SGCG: variants seen among roughly 807,000 people sequenced by gnomAD.
The protein encoded by SGCG is gamma-sarcoglycan.
Under a neutral mutation model 29.3 loss-of-function variants are expected in SGCG, and 26 were observed. That is an observed-to-expected ratio of 0.89 (90% confidence interval 0.65 to 1.23). The LOEUF (loss-of-function observed/expected upper bound fraction) is 1.23, where lower values mean the gene tolerates loss of function less well. Ranked by LOEUF, SGCG falls within the 50% of genes most tolerant of loss-of-function variation. SGCG has a pLI of 0.00. For synonymous variants in SGCG, 145 were observed against 129.7 expected (o/e 1.12, Z -0.80); for missense variants, 353 against 356.0 (o/e 0.99, Z 0.07).
chr13:23,320,055 A>T (rs1484723942), intron 6 of SGCG, among the ~76,000 whole-genome samples: 1 of 152,258 alleles, frequency 6.6e-6, no homozygotes, highest in Non-Finnish European at 1.5e-5. Context: ...ATAATAATAA[A>T]GAAAAGACCA....
intron 4 of SGCG, among the ~76,000 whole-genome samples, chr13:23,262,490 G>A (rs1193527855): frequency 6.6e-6 from 1 of 151,784 alleles, no homozygotes; most frequent in Non-Finnish European, 1.5e-5. Flanking sequence ...TAAGTCCAGA[G>A]CTCTTAGATA....
chr13:23,294,981 CT>C (rs1881847951), intron 5 of SGCG, among the ~76,000 whole-genome samples: 1 of 152,040 alleles, frequency 6.6e-6, no homozygotes, highest in Non-Finnish European at 1.5e-5. Flanking sequence ...ATATTTAAAG[CT>C]TTTAATTTTT....
chr13:23,324,294 T>C, intron 7 of SGCG, 74 bp from the exon 8 acceptor site: 1 of 1,406,616 alleles, frequency 7.1e-7, no homozygotes, highest in East Asian at 2.3e-5. Flanking sequence ...TTGGAAATCT[T>C]GTGAGAATGG....
chr13:23,227,207 A>G (rs1878932441), intron 2 of SGCG, among the ~76,000 whole-genome samples: 1 of 152,114 alleles, frequency 6.6e-6, no homozygotes, highest in Non-Finnish European at 1.5e-5. Context: ...TAGGTGAGCA[A>G]TCTTTTTGTG....
intron 6 of SGCG, among the ~76,000 whole-genome samples, chr13:23,307,045 C>T (rs1882386592): frequency 6.6e-6 from 1 of 152,278 alleles, no homozygotes; most frequent in Non-Finnish European, 1.5e-5. Flanking sequence ...TTTAGCTAAA[C>T]AGAACTTTTT....
intron 2 of SGCG, among the ~76,000 whole-genome samples, chr13:23,231,224 C>T (rs1386829195): frequency 1.3e-5 from 2 of 151,830 alleles, no homozygotes; most frequent in East Asian, 3.9e-4. Flanking sequence ...CTGTGTTCAT[C>T]AAGGATATAG....
At chr13:23,196,859 C>T (rs1459008978) in intron 1 of SGCG, among the ~76,000 whole-genome samples, 2 of 152,096 alleles carry the variant, frequency 1.3e-5, no homozygotes, top group South Asian at 2.1e-4. Flanking sequence ...CACTAATTAA[C>T]GTGAGATGAG....
chr13:23,219,044 T>G (rs1878549469), intron 2 of SGCG, among the ~76,000 whole-genome samples: 1 of 148,694 alleles, frequency 6.7e-6, no homozygotes, highest in Non-Finnish European at 1.5e-5. Flanking sequence ...CTATATATTT[T>G]TATGGGTTGT....
chr13:23,164,091 GTTT>G, the SGCG span, among the ~76,000 whole-genome samples: 4 of 152,222 alleles, frequency 2.6e-5, no homozygotes, highest in African/African-American at 7.2e-5. Context: ...TGGTAACCAG[GTTT>G]TTGTTTTCCT....
At chr13:23,320,550 A>G in intron 6 of SGCG, 87 bp from the exon 7 acceptor site, 1 of 1,144,248 alleles carries the variant, frequency 8.7e-7, no homozygotes, top group South Asian at 1.4e-5. Flanking sequence ...TACTAGTTAT[A>G]TTTCCCATGC....
chr13:23,196,714 A>G (rs182615602), intron 1 of SGCG, among the ~76,000 whole-genome samples: 1 of 151,882 alleles, frequency 6.6e-6, no homozygotes, highest in East Asian at 1.9e-4. Context: ...TTTATCTGCC[A>G]TGGTGTTCTT....
At chr13:23,309,008 C>T (rs1313921691) in intron 6 of SGCG, among the ~76,000 whole-genome samples, 1 of 152,042 alleles carries the variant, frequency 6.6e-6, no homozygotes, top group Non-Finnish European at 1.5e-5. Context: ...TCTATTCACA[C>T]AGCCTTTTAT....
chr13:23,323,967 G>A (rs1883139957), intron 7 of SGCG, among the ~76,000 whole-genome samples: 1 of 152,306 alleles, frequency 6.6e-6, no homozygotes, highest in Admixed American at 6.5e-5. Flanking sequence ...TGTGAATCGG[G>A]AGAATTCTAA....
rs1264295285 is a variant in SGCG at position 23,279,436 on chromosome 13, G to A, written c.463G>A (p.Glu155Lys). ...NDGKPLFTVD[E>K]KEVVVGTDKL... Reference sequence around the variant, plus strand: ...CGGCAAGCCACTATTTACTGTAGATGAGAAGGAAGTTGTGGTTGGTACAGA... The same window carrying A: ...CGGCAAGCCACTATTTACTGTAGATAAGAAGGAAGTTGTGGTTGGTACAGA... The change falls in exon 5 of 8, where the codon GAG becomes AAG. Residue 155 changes from glutamate to lysine, a missense_variant. By Grantham distance (56) the Glu-to-Lys change is moderately conservative. Transcript: ENST00000218867. 6.2e-7 allele frequency: 1 copy of A among 1,613,372 alleles called. No homozygotes were observed. The highest frequency in any genetic ancestry group is 8.5e-7 in the Non-Finnish European group (1 of 1,179,442).
intron 4 of SGCG, among the ~76,000 whole-genome samples, chr13:23,277,696 C>T (rs1438781587): frequency 1.3e-5 from 2 of 148,592 alleles, no homozygotes; most frequent in Non-Finnish European, 3.0e-5. Flanking sequence ...TTCTCAACTT[C>T]CTTTTTTTTT....
chr13:23,193,914 G>C (rs761196795), intron 1 of SGCG, among the ~76,000 whole-genome samples: 3 of 151,996 alleles, frequency 2.0e-5, no homozygotes, highest in South Asian at 2.1e-4. Flanking sequence ...ATTATGAAAG[G>C]GCCTGAGAAT....
intron 4 of SGCG, 39 bp from the exon 5 acceptor site, chr13:23,279,320 G>T: frequency 6.3e-7 from 1 of 1,598,134 alleles, no homozygotes; most frequent in Non-Finnish European, 8.6e-7. Context: ...GACACTGCTT[G>T]TAGTGAACAG....
chr13:23,191,278 T>C (rs893481458), intron 1 of SGCG, among the ~76,000 whole-genome samples: 3 of 116,762 alleles, frequency 2.6e-5, no homozygotes, highest in African/African-American at 1.6e-4. Context: ...ATAAATCTTC[T>C]ACACCATCTT....
At position 23,314,871 on chromosome 13, in the gene SGCG, G is replaced by A. The variant is rs1481431936; in HGVS notation, c.579-5766G>A. Among the ~76,000 whole-genome samples the A allele has an allele frequency of 6.6e-5, 10 of 152,278 alleles. No homozygotes were observed. In the East Asian group the frequency reaches 1.9e-3, roughly 29 times the overall value. ...GGCACAATGCCTAGTGGGCCTATTT[G>A]GATTTTGGAGGCAACACATTCCTCA... is the stretch of plus-strand genomic sequence containing the variant. On this transcript the variant is annotated intron_variant, in intron 6 of 7. Transcript: ENST00000218867.
Sources: allele counts gnomAD v4.1 joint callset (sites outside exome capture counted in the v4.1 genomes callset), GRCh38; gene constraint gnomAD v4.1.1; transcripts MANE v1.5; gene names NCBI Gene and HGNC (gene_info 2026-07-23, HGNC 2026-07-21).